FLG: variants seen among roughly 807,000 people sequenced by gnomAD.
FLG encodes the protein epidermal filaggrin.
In FLG, 6 loss-of-function variants were observed where a neutral mutation model predicts 3.8. The observed-to-expected ratio is 1.60, with a 90% CI of 0.87 to 3.15. FLG has a LOEUF of 3.15. Ranked by LOEUF, FLG falls within the 30% of genes most tolerant of loss-of-function variation. The pLI is 0.00. For synonymous variants in FLG, 2,551 were observed against 1,931.6 expected (o/e 1.32, Z -8.41); for missense variants, 7,595 against 5,050.9 (o/e 1.50, Z -15.27).
Position 152,309,715 on chromosome 1 carries a change from C to A in FLG, c.5171G>T (p.Gly1724Val). The A allele has an allele frequency of 2.5e-6, 4 of 1,614,038 alleles. No homozygotes were observed. In the South Asian group the frequency reaches 4.4e-5, roughly 18 times the overall value. ...SSGSQASDSEGHSEESDTQSV... is the reference protein window; with the variant it reads ...SSGSQASDSEVHSEESDTQSV... ...CTGTGTGTCTGACTCTTCTGAGTGTCCCTCGCTGTCACTGGCCTGGCTACC... is the reference window on the plus strand; with the variant it reads ...CTGTGTGTCTGACTCTTCTGAGTGTACCTCGCTGTCACTGGCCTGGCTACC... The change falls in exon 3 of 3, where the codon GGA (glycine) becomes GTA (valine). Residue 1724 changes from glycine (G) to valine (V), a missense_variant. By Grantham distance (109) the Gly-to-Val change is moderately radical. Transcript: ENST00000368799.
chr1:152,316,206 C>T (rs925366383), intron 1 of FLG, among the ~76,000 whole-genome samples: 1 of 152,004 alleles, frequency 6.6e-6, no homozygotes, highest in Non-Finnish European at 1.5e-5. Context: ...CTGTAGAAAA[C>T]AATGTGAAGG....
rs533030780 is a variant in FLG, at chr1:152,303,398, G to A, written c.11488C>T (p.His3830Tyr). 1 of 1,614,134 alleles carries A rather than the reference G, an allele frequency of 6.2e-7. No homozygotes were observed. Among genetic ancestry groups the A allele is most frequent in the South Asian group, 1.1e-5 (1 of 91,076 alleles). Residue 3830 changes from histidine (H) to tyrosine (Y), a missense_variant, in exon 3 of 3, where the codon CAC becomes TAC. Physicochemically the swap from His to Tyr is moderately conservative, Grantham distance 83 (BLOSUM62 2). Coordinates refer to ENST00000368799, the MANE Select transcript of FLG (RefSeq NM_002016.2). Reference sequence around the variant, plus strand: ...TCAGCCTGAGTGGAAGCTTCATGGTGACGCGACCCTGAGTGCCTGGAGCCG... The same window carrying A: ...TCAGCCTGAGTGGAAGCTTCATGGTAACGCGACCCTGAGTGCCTGGAGCCG... The part of the protein sequence containing the change: ...GDGSRHSGSR[H>Y]HEASTQADSS...
chr1:152,312,440 C>G lies in FLG; in HGVS notation c.2446G>C (p.Val816Leu), dbSNP rs769144771. ...TGCTCATGGTGGGATCCTTGTCTTACTCCAGTGCTGGGCCCTGTCCATCCA... is the reference window on the plus strand; with the variant it reads ...TGCTCATGGTGGGATCCTTGTCTTAGTCCAGTGCTGGGCCCTGTCCATCCA... ...SHGWTGPSTG[V>L]RQGSHHEQAR... The change falls in exon 3 of 3, where the codon GTA becomes CTA. Residue 816 changes from valine to leucine, a missense_variant. Val to Leu is a conservative substitution (Grantham distance 32). Transcript: ENST00000368799. 1 of 1,613,628 alleles carries G rather than the reference C, an allele frequency of 6.2e-7. No homozygotes were observed. Among genetic ancestry groups the G allele is most frequent in the Non-Finnish European group, 8.5e-7 (1 of 1,179,886 alleles).
At position 152,311,326 on chromosome 1, in the gene FLG, C is replaced by G. The variant is rs756371384; in HGVS notation, c.3560G>C (p.Arg1187Thr). 1.9e-6 allele frequency: 3 copies of G among 1,613,952 alleles called. No individual in the cohort carries two copies. Among genetic ancestry groups the G allele is most frequent in the East Asian group, 2.2e-5 (1 of 44,840 alleles). Residue 1187 changes from arginine (R) to threonine (T), a missense_variant, in exon 3 of 3, where the codon AGA becomes ACA. Transcript: ENST00000368799. ...QGSHHEQSVD[R>T]SGHSGSHHSH... Reference sequence around the variant, plus strand: ...GTGATGGGACCCTGAGTGTCCAGATCTATCTACCGATTGCTCATGGTGGGA... The same window carrying G: ...GTGATGGGACCCTGAGTGTCCAGATGTATCTACCGATTGCTCATGGTGGGA...
rs1652183697 is a variant in FLG, at chr1:152,308,949, A to C, written c.5937T>G (p.Thr1979=). 6.2e-7 allele frequency: 1 copy of C among 1,614,120 alleles called. No individual in the cohort carries two copies. The highest frequency in any genetic ancestry group is 1.3e-5 in the African/African-American group (1 of 75,050). The change falls in exon 3 of 3, where the codon ACT becomes ACG. Residue 1979 remains threonine, a synonymous_variant. Transcript: ENST00000368799. ...HSADSSRQSG[T]RHTESSSRGQ... is the part of the protein sequence containing the mutation. Reference sequence around the variant, plus strand: ...CACGAGAGGAAGACTCTGTGTGACGAGTGCCTGATTGTCTGGAGCTGTCTG... The same window carrying C: ...CACGAGAGGAAGACTCTGTGTGACGCGTGCCTGATTGTCTGGAGCTGTCTG...
intron 2 of FLG, 28 bp from the exon 3 acceptor site, chr1:152,314,775 A>C (rs556436445): frequency 1.2e-6 from 2 of 1,613,504 alleles, no homozygotes; most frequent in Non-Finnish European, 1.7e-6. Flanking sequence ...ACAGAGGGAG[A>C]CTGCATCAGA....
In FLG at chr1:152,307,290, C is replaced by G. The variant is rs142026832; in HGVS notation, c.7596G>C (p.Ser2532=). 1 of 1,612,868 alleles carries G rather than the reference C, an allele frequency of 6.2e-7. No homozygotes were observed. The highest frequency in any genetic ancestry group is 8.5e-7 in the Non-Finnish European group (1 of 1,179,848). ...CCCGAGAGGAAGCTTCATGGTGACG[C>G]GACCCTGAGTGCCTGGAGCCGTCTC... is the stretch of plus-strand genomic sequence containing the variant. ...QSGDGSRHSG[S]RHHEASSRAD... Residue 2532 remains serine, a synonymous_variant, in exon 3 of 3, where the codon TCG becomes TCC. Transcript: ENST00000368799.
At position 152,307,544 on chromosome 1, in the gene FLG, C is replaced by G; in HGVS notation, c.7342G>C (p.Asp2448His). 6.2e-7 allele frequency: 1 copy of G among 1,613,830 alleles called. No homozygotes were observed. The highest frequency in any genetic ancestry group is 1.3e-5 in the African/African-American group (1 of 74,950). ...TGGGACGTTGAGTGCCTGGAGCTGT[C>G]TCGTGCCTGCTTGTGGTGGGATCCT... ...RQGSHHKQAR[D>H]SSRHSTSQEG... The change falls in exon 3 of 3, where the codon GAC (aspartate) becomes CAC (histidine). Residue 2448 changes from aspartate to histidine, a missense_variant. By Grantham distance (81) the Asp-to-His change is moderately conservative. Transcript: ENST00000368799.
chr1:152,303,211 C>A lies in FLG; in HGVS notation c.11675G>T (p.Arg3892Leu), dbSNP rs372348813. 5.0e-6 allele frequency: 8 copies of A among 1,613,840 alleles called. No individual in the cohort carries two copies. The African/African-American group carries it at 8.0e-5, about 16-fold the overall frequency. Reference sequence around the variant, plus strand: ...TCTGGAGCCATCTCTTGACTGCTCCCGAGAAGATCCATGATGGTTTCTGGA... The same window carrying A: ...TCTGGAGCCATCTCTTGACTGCTCCAGAGAAGATCCATGATGGTTTCTGGA... Reference protein sequence around the residue: ...SASRNHHGSSREQSRDGSRHP... With the variant: ...SASRNHHGSSLEQSRDGSRHP... The change falls in exon 3 of 3, where the codon CGG becomes CTG. Residue 3892 changes from arginine to leucine, a missense_variant. Arg to Leu is a moderately radical substitution (Grantham distance 102). Coordinates refer to ENST00000368799, the MANE Select transcript of FLG (RefSeq NM_002016.2).
chr1:152,311,381 G>A lies in FLG; in HGVS notation c.3505C>T (p.Pro1169Ser). 1 of 1,613,258 alleles carries A rather than the reference G, an allele frequency of 6.2e-7. No homozygotes were observed. The highest frequency in any genetic ancestry group is 1.7e-4 in the Middle Eastern group (1 of 6,058). ...QEGQDTIRAH[P>S]GSRRGGRQGS... is the part of the protein sequence containing the mutation. ...TGCCTTCCTCCTCTCCTTGACCCCGGGTGTGCACGAATGGTGTCCTGACCC... is the reference window on the plus strand; with the variant it reads ...TGCCTTCCTCCTCTCCTTGACCCCGAGTGTGCACGAATGGTGTCCTGACCC... Residue 1169 changes from proline to serine, a missense_variant, in exon 3 of 3, where the codon CCG becomes TCG. Pro to Ser is a moderately conservative substitution (Grantham distance 74). Transcript: ENST00000368799.
rs370197176 is a variant in FLG at position 152,315,486 on chromosome 1, A to G, written c.-21-9T>C. On this transcript the variant is annotated splice_polypyrimidine_tract_variant and intron_variant, in intron 1 of 2. Transcript: ENST00000368799. ...TGGCAATAAATGTGAACCTAGAAAG[A>G]AGAAATGAAAATGCACTTTTTTATA... is the stretch of plus-strand genomic sequence containing the variant. 163 of 1,596,870 alleles carry G rather than the reference A, an allele frequency of 1.0e-4. No homozygotes were observed. The highest frequency in any genetic ancestry group is 1.3e-4 in the Non-Finnish European group (155 of 1,171,836).
rs1277279219 is a variant in FLG at position 152,312,301 on chromosome 1, T to A, written c.2585A>T (p.Asp862Val). 1.9e-6 allele frequency: 3 copies of A among 1,613,572 alleles called. No homozygotes were observed. Among genetic ancestry groups the A allele is most frequent in the Non-Finnish European group, 2.5e-6 (3 of 1,179,870 alleles). Residue 862 changes from aspartate to valine, a missense_variant, in exon 3 of 3, where the codon GAT becomes GTT. Transcript: ENST00000368799. The stretch of plus-strand genomic sequence containing the variant: ...ATGGGACCCTGAGTGTCCAGACCTA[T>A]CTACCGATTGCTCGTGGTGGGACCC... Reference protein sequence around the residue: ...RQGSHHEQSVDRSGHSGSHHS... With the variant: ...RQGSHHEQSVVRSGHSGSHHS...
chr1:152,311,166 A>G lies in FLG; in HGVS notation c.3720T>C (p.Ala1240=). The change falls in exon 3 of 3, where the codon GCT becomes GCC. Residue 1240 remains alanine (A), a synonymous_variant. Transcript: ENST00000368799. ...GTCTAGAGCTGTCAGCCCAAGAGGC[A>G]GCTTCATGGTGACGTGACCCTGAGT... ...SRHSGSRHHE[A]ASWADSSRHS... is the part of the protein sequence containing the mutation. The G allele has an allele frequency of 6.2e-7, 1 of 1,613,790 alleles. No homozygotes were observed. The highest frequency in any genetic ancestry group is 8.5e-7 in the Non-Finnish European group (1 of 1,179,996).
rs759198926 is a variant in FLG at position 152,303,670 on chromosome 1, T to C, written c.11216A>G (p.His3739Arg). The change falls in exon 3 of 3, where the codon CAC becomes CGC. Residue 3739 changes from histidine (H) to arginine (R), a missense_variant. His to Arg is a conservative substitution (Grantham distance 29, BLOSUM62 0). Coordinates refer to ENST00000368799, the MANE Select transcript of FLG (RefSeq NM_002016.2). ...CCTGGAGCTGTCTCGTGCCTGCTCGTGGCGGGATCCTTGTCTTCCTCCAGT... is the reference window on the plus strand; with the variant it reads ...CCTGGAGCTGTCTCGTGCCTGCTCGCGGCGGGATCCTTGTCTTCCTCCAGT... ...PSTGGRQGSR[H>R]EQARDSSRHS... is the part of the protein sequence containing the mutation. 8 of 1,613,966 alleles carry C rather than the reference T, an allele frequency of 5.0e-6. No individual in the cohort carries two copies. Among genetic ancestry groups the C allele is most frequent in the Non-Finnish European group, 6.8e-6 (8 of 1,179,962 alleles).
rs1258588419 is a variant in FLG at position 152,310,048 on chromosome 1, G to A, written c.4838C>T (p.Ser1613Leu). Reference protein sequence around the residue: ...HSEDSERRSESASRNHYGSAR... With the variant: ...HSEDSERRSELASRNHYGSAR... ...AGATCCATAATGGTTTCTGGAAGCCGACTCAGACCGCCTCTCAGAGTCTTC... is the reference window on the plus strand; with the variant it reads ...AGATCCATAATGGTTTCTGGAAGCCAACTCAGACCGCCTCTCAGAGTCTTC... Residue 1613 changes from serine to leucine, a missense_variant, in exon 3 of 3, where the codon TCG becomes TTG. Ser to Leu is a moderately radical substitution (Grantham distance 145). Coordinates refer to ENST00000368799, the MANE Select transcript of FLG (RefSeq NM_002016.2). The A allele has an allele frequency of 2.5e-5, 41 of 1,613,868 alleles. No individual in the cohort carries two copies. Among genetic ancestry groups the A allele is most frequent in the South Asian group, 8.8e-5 (8 of 91,060 alleles).
rs1317691433 is a variant in FLG, at chr1:152,305,889, A to G, written c.8997T>C (p.Ala2999=). Residue 2999 remains alanine (A), a synonymous_variant, in exon 3 of 3, where the codon GCT becomes GCC. Transcript: ENST00000368799. ...GTCCACTGTCTCTGACTGCAGATGA[A>G]GCTTGTCCGTGCCCAATGCCTGAGT... ...SRHSGIGHGQ[A]SSAVRDSGHR... 1 of 1,278,706 alleles carries G rather than the reference A, an allele frequency of 7.8e-7. No homozygotes were observed. The allele number at this position is 1,278,706 out of a possible 1,614,324, so 79.2% of individuals were successfully genotyped here.
In FLG at chr1:152,313,750, C is replaced by A. The variant is rs1340893697; in HGVS notation, c.1136G>T (p.Ser379Ile). The change falls in exon 3 of 3, where the codon AGT (serine) becomes ATT (isoleucine). Residue 379 changes from serine to isoleucine, a missense_variant. Transcript: ENST00000368799. ...GCCGGATCCATGTCTTTCTCCTGGACTTGATCTTGCCTGTTCATGGGATGA... is the reference window on the plus strand; with the variant it reads ...GCCGGATCCATGTCTTTCTCCTGGAATTGATCTTGCCTGTTCATGGGATGA... The part of the protein sequence containing the change: ...TASSHEQARS[S>I]PGERHGSGHQ... 1.2e-6 allele frequency: 2 copies of A among 1,614,098 alleles called. No individual in the cohort carries two copies. The highest frequency in any genetic ancestry group is 1.7e-6 in the Non-Finnish European group (2 of 1,179,984).
chr1:152,313,178 G>A lies in FLG; in HGVS notation c.1708C>T (p.Gln570Ter), dbSNP rs192402912. ...CCTGATTGTTCCTCATTTCGTGTTT[G>A]TCTGCTTGCACTTCTGGATCCTGAC... ...GQSGSRSASR[Q>*]TRNEEQSGDG... Residue 570 changes from glutamine (Q) to a stop codon, truncating the protein, a stop_gained, in exon 3 of 3, where the codon CAA becomes TAA. Coordinates refer to ENST00000368799, the MANE Select transcript of FLG (RefSeq NM_002016.2). LOFTEE classifies it low-confidence loss of function (END_TRUNC). The A allele has an allele frequency of 1.2e-5, 20 of 1,613,628 alleles. No homozygotes were observed. Among genetic ancestry groups the A allele is most frequent in the African/African-American group, 1.1e-4 (8 of 74,698 alleles).
rs576213131 is a variant in FLG, at chr1:152,306,177, G to C, written c.8709C>G (p.Asp2903Glu). ...QDSDSEGHSE[D>E]SERWSGSASR... ...AAGCAGACCCAGACCACCTCTCAGA[G>C]TCTTCTGAATGTCCCTCACTGTCAC... Residue 2903 changes from aspartate to glutamate, a missense_variant, in exon 3 of 3, where the codon GAC (aspartate) becomes GAG (glutamate). By Grantham distance (45) the Asp-to-Glu change is conservative (BLOSUM62 2). Coordinates refer to ENST00000368799, the MANE Select transcript of FLG (RefSeq NM_002016.2). 1 of 1,602,682 alleles carries C rather than the reference G, an allele frequency of 6.2e-7. No homozygotes were observed. Among genetic ancestry groups the C allele is most frequent in the African/African-American group, 1.6e-5 (1 of 63,778 alleles).
Sources: gnomAD v4.1 joint callset for allele counts (sites outside exome capture counted in the v4.1 genomes callset) on GRCh38, gnomAD v4.1.1 for gene constraint, MANE v1.5 for transcripts, NCBI Gene and HGNC (gene_info 2026-07-23, HGNC 2026-07-21) for gene names.